Variants in MRM1 observed in about 807,000 individuals in gnomAD.
MRM1 encodes rRNA methyltransferase 1, mitochondrial.
MRM1 carries 24 observed loss-of-function variants against 25.0 expected under a neutral mutation model. The observed-to-expected ratio is 0.96, with a 90% confidence interval of 0.69 to 1.35. The LOEUF is 1.35. MRM1 is among the 40% of genes most tolerant of loss of function. The pLI, the probability that MRM1 is intolerant of heterozygous loss-of-function variation, is 0.00. For missense variants in MRM1, 431 were observed against 464.1 expected, an observed-to-expected ratio of 0.93 and a Z score of 0.65; for synonymous variants, 188 against 199.2, an observed-to-expected ratio of 0.94 and a Z score of 0.47.
chr17:36,623,316 T>C, the MRM1 span, among the ~76,000 whole-genome samples: 1 of 152,180 alleles, frequency 6.6e-6, no homozygotes, highest in Admixed American at 6.5e-5. Context: ...TTTGTCAAAT[T>C]TGCTAAAGAA....
chr17:36,626,827 C>A, the MRM1 span, among the ~76,000 whole-genome samples: 1 of 152,174 alleles, frequency 6.6e-6, no homozygotes, highest in Non-Finnish European at 1.5e-5. Context: ...GAACCCAGGC[C>A]TTTCTGACTG....
rs372363506 is a variant in MRM1 at position 36,601,824 on chromosome 17, C to T, written c.14C>T (p.Ser5Leu). Reference sequence around the variant, plus strand: ...GGGAGCTGCGCCATGGCATTGCTCTCGACCGTCCGGGGCGCGACCTGGGGT... The same window carrying T: ...GGGAGCTGCGCCATGGCATTGCTCTTGACCGTCCGGGGCGCGACCTGGGGT... The part of the protein sequence containing the change: MALL[S>L]TVRGATWGRL... Residue 5 changes from serine to leucine, a missense_variant, in exon 1 of 5, where the codon TCG becomes TTG. By Grantham distance (145) the Ser-to-Leu change is moderately radical. Transcript: ENST00000614766. The T allele has an allele frequency of 6.4e-7, 1 of 1,569,460 alleles. No homozygotes were observed. The highest frequency in any genetic ancestry group is 8.6e-7 in the Non-Finnish European group (1 of 1,159,816).
At chr17:36,609,781 T>G (rs148988199), downstream of MRM1, among the ~76,000 whole-genome samples, 27 of 152,322 alleles carry the variant, frequency 1.8e-4, no homozygotes, top group East Asian at 5.2e-3. Flanking sequence ...TGGGAGAATA[T>G]GGAGGGCAAT....
the MRM1 span, among the ~76,000 whole-genome samples, chr17:36,619,394 G>T: frequency 1.3e-5 from 2 of 152,230 alleles, no homozygotes; most frequent in Non-Finnish European, 2.9e-5. Flanking sequence ...TGGGCCAGGT[G>T]CAGTGGCTCA....
In MRM1 at chr17:36,608,527, T is replaced by A; in HGVS notation, c.*112T>A. 2.4e-6 allele frequency: 1 copy of A among 416,004 alleles called. No individual in the cohort carries two copies. The highest frequency in any genetic ancestry group is 3.9e-6 in the Non-Finnish European group (1 of 255,958). The allele number at this position is 416,004 out of a possible 1,614,324, so 25.8% of individuals were successfully genotyped here. A position where few individuals can be genotyped will look rare whatever the true frequency, so the allele number is the denominator to read the frequency against. On this transcript the variant is annotated 3_prime_UTR_variant, in exon 5 of 5. Transcript: ENST00000614766. ...TGAGTGTGCACCAGGCCCATGTTTA[T>A]TGACCACAGTCTGGGGGGGGGGGAA... is the stretch of plus-strand genomic sequence containing the variant.
intron 2 of MRM1, among the ~76,000 whole-genome samples, chr17:36,604,955 A>C (rs1599579046): frequency 1.3e-5 from 2 of 151,704 alleles, no homozygotes; most frequent in South Asian, 4.2e-4. Flanking sequence ...ACCTGGCCAA[A>C]ATGGTGAAAC....
chr17:36,628,087 C>T, the MRM1 span, among the ~76,000 whole-genome samples: 1 of 152,208 alleles, frequency 6.6e-6, no homozygotes, highest in African/African-American at 2.4e-5. Context: ...TGCAAATGCC[C>T]TCTCTCTAAT....
chr17:36,619,503 A>G, the MRM1 span, among the ~76,000 whole-genome samples: 1 of 152,122 alleles, frequency 6.6e-6, no homozygotes, highest in Non-Finnish European at 1.5e-5. Flanking sequence ...CCCCATCTCT[A>G]CTAAAAATAC....
the MRM1 span, among the ~76,000 whole-genome samples, chr17:36,630,045 T>C: frequency 6.6e-6 from 1 of 152,224 alleles, no homozygotes; most frequent in East Asian, 1.9e-4. Flanking sequence ...TTTAGGCATG[T>C]GACCTTGGGC....
Position 36,607,972 on chromosome 17 carries a change from C to T in MRM1, c.843C>T (p.Arg281=). ...TTCTCCTCACCATCCTGCCCCGGCG[C>T]CAGCTGCCTCCTGGACTTGAGTCCT... ...CQLLLTILPR[R]QLPPGLESLN... Residue 281 remains arginine, a synonymous_variant, in exon 4 of 5, where the codon CGC becomes CGT. Transcript: ENST00000614766. The T allele has an allele frequency of 6.2e-7, 1 of 1,614,194 alleles. No individual in the cohort carries two copies. The highest frequency in any genetic ancestry group is 8.5e-7 in the Non-Finnish European group (1 of 1,180,052).
the MRM1 span, among the ~76,000 whole-genome samples, chr17:36,631,174 G>A: frequency 6.6e-6 from 1 of 152,246 alleles, no homozygotes; most frequent in Non-Finnish European, 1.5e-5. Context: ...TCTGGAGACT[G>A]TGACCTTGAG....
chr17:36,614,089 A>AT, the MRM1 span, among the ~76,000 whole-genome samples: 1 of 151,940 alleles, frequency 6.6e-6, no homozygotes, highest in African/African-American at 2.4e-5. Context: ...GACGATGACA[A>AT]TGATGACGAT....
At chr17:36,620,275 T>C in the MRM1 span, among the ~76,000 whole-genome samples, 48,970 of 149,014 alleles carry the variant, frequency 0.33, 9,728 homozygotes, top group African/African-American at 0.56. Flanking sequence ...AACCACTCCT[T>C]TATGCTGTCA....
At chr17:36,614,640 T>A in the MRM1 span, among the ~76,000 whole-genome samples, 5 of 152,254 alleles carry the variant, frequency 3.3e-5, no homozygotes, top group African/African-American at 1.2e-4. Flanking sequence ...ATCCCACCCA[T>A]CTCTTGCTAG....
chr17:36,629,048 C>A, the MRM1 span, among the ~76,000 whole-genome samples: 3 of 152,142 alleles, frequency 2.0e-5, no homozygotes, highest in Admixed American at 2.0e-4. Context: ...TCTGACAATG[C>A]CTTAGCCCCT....
At chr17:36,620,905 C>T in the MRM1 span, among the ~76,000 whole-genome samples, 2 of 152,330 alleles carry the variant, frequency 1.3e-5, no homozygotes, top group East Asian at 1.9e-4. Flanking sequence ...GTGCCTCCAT[C>T]GCCTGCCAGG....
At chr17:36,608,098 G>A (rs1484078142) in intron 4 of MRM1, 80 bp downstream of exon 4, 9 of 1,558,514 alleles carry the variant, frequency 5.8e-6, no homozygotes, top group Non-Finnish European at 7.8e-6. Context: ...CCCATTTGCT[G>A]GCTGTTTGTG....
At chr17:36,625,316 TCTTCTC>T in the MRM1 span, among the ~76,000 whole-genome samples, 701 of 116,816 alleles carry the variant, frequency 6.0e-3, 3 homozygotes, top group African/African-American at 0.022. Flanking sequence ...TCTTCTTCTT[TCTTCTC>T]CTTCTCCTTC....
At chr17:36,609,663 G>A (rs1453711988), downstream of MRM1, among the ~76,000 whole-genome samples, 2 of 152,146 alleles carry the variant, frequency 1.3e-5, no homozygotes, top group South Asian at 2.1e-4. Flanking sequence ...TAGCAACCCC[G>A]AACTTGCAAT....
Sources: gnomAD v4.1 joint callset for allele counts (sites outside exome capture counted in the v4.1 genomes callset) on GRCh38, gnomAD v4.1.1 for gene constraint, MANE v1.5 for transcripts, NCBI Gene and HGNC (gene_info 2026-07-23, HGNC 2026-07-21) for gene names.